MED10: variants seen among roughly 807,000 people sequenced by gnomAD.
MED10 encodes the protein mediator of RNA polymerase II transcription subunit 10.
Under a neutral mutation model 17.2 loss-of-function variants are expected in MED10, and 9 were observed. The observed-to-expected ratio is 0.52, with a 90% CI of 0.31 to 0.91. The LOEUF is 0.91. Among genes scored for constraint, MED10 ranks in the 40% least tolerant of loss-of-function variants. The pLI is 0.04. For synonymous variants in MED10, 66 were observed against 59.8 expected (o/e 1.10, Z -0.48); for missense variants, 129 against 164.8 (o/e 0.78, Z 1.19).
In MED10 at chr5:6,377,223, T is replaced by G; in HGVS notation, c.149A>C (p.Asp50Ala). ...AAGCTGCTGTCTGCACTTGTCAATA[T>G]CCTGTAAGCCAGTAACAATAAAATT... ...KLNFIVTGLQ[D>A]IDKCRQQLHD... Residue 50 changes from aspartate to alanine, a missense_variant, in exon 2 of 4, where the codon GAT (aspartate) becomes GCT (alanine). Coordinates refer to ENST00000255764, the MANE Select transcript of MED10 (RefSeq NM_032286.3). 6.2e-7 allele frequency: 1 copy of G among 1,610,414 alleles called. No homozygotes were observed. Among genetic ancestry groups the G allele is most frequent in the South Asian group, 1.1e-5 (1 of 89,938 alleles).
chr5:6,374,669 C>A (rs1737957118), intron 2 of MED10: 2 of 445,024 alleles, frequency 4.5e-6, no homozygotes, highest in Non-Finnish European at 8.3e-6. Context: ...CACTGATAAA[C>A]CCAAGCACGC....
intron 3 of MED10, among the ~76,000 whole-genome samples, chr5:6,373,770 A>G (rs115954304): frequency 0.016 from 2,503 of 152,318 alleles, 80 homozygotes; most frequent in African/African-American, 0.055. Context: ...ACAAAACACC[A>G]ATTTGAACTA....
intron 3 of MED10, among the ~76,000 whole-genome samples, chr5:6,373,966 A>C (rs2455147): frequency 0.51 from 77,078 of 151,958 alleles, 19,788 homozygotes; most frequent in African/African-American, 0.55. Flanking sequence ...ATCCTCTAAA[A>C]CAAAGAACCA....
Position 6,374,702 on chromosome 5 carries a change from A to T in MED10, c.207-276T>A, listed in dbSNP as rs1579253555. The T allele has an allele frequency of 8.8e-6, 3 of 341,094 alleles. No homozygotes were observed. In the East Asian group the frequency reaches 1.7e-4, roughly 19 times the overall value. 21.1% of individuals were successfully genotyped at this position (341,094 alleles called of 1,614,324 possible). On this transcript the variant is annotated intron_variant, in intron 2 of 3. Coordinates refer to ENST00000255764, the MANE Select transcript of MED10 (RefSeq NM_032286.3). Reference sequence around the variant, plus strand: ...CGCTTCACAAGCCATACCACTTTACATGTGTTTAGCATTTGCACTTTTCAA... The same window carrying T: ...CGCTTCACAAGCCATACCACTTTACTTGTGTTTAGCATTTGCACTTTTCAA...
At chr5:6,377,113 A>C in intron 2 of MED10, 53 bp downstream of exon 2, 1 of 1,290,216 alleles carries the variant, frequency 7.8e-7, no homozygotes, top group Non-Finnish European at 1.1e-6. Context: ...ACGATACCAC[A>C]CCATAACTGA....
Position 6,378,490 on chromosome 5 carries a change from G to C in MED10, c.-7C>G, listed in dbSNP as rs768284839. ...GGTCAAACTTCTCCGCCATCGCCTC[G>C]GCCCGTCCCCGACCCACACAGCCTC... On this transcript the variant is annotated 5_prime_UTR_variant, in exon 1 of 4. Transcript: ENST00000255764. 3 of 1,610,158 alleles carry C rather than the reference G, an allele frequency of 1.9e-6. No individual in the cohort carries two copies. The highest frequency in any genetic ancestry group is 2.2e-5 in the East Asian group (1 of 44,722).
chr5:6,377,234 A>G lies in MED10; in HGVS notation c.138T>C (p.Thr46=), dbSNP rs1331056648. The part of the protein sequence containing the change: ...GLNQKLNFIV[T]GLQDIDKCRQ... ...TGCACTTGTCAATATCCTGTAAGCC[A>G]GTAACAATAAAATTCCTGGGGGAAA... is the stretch of plus-strand genomic sequence containing the variant. Residue 46 remains threonine (T), a synonymous_variant, in exon 2 of 4, where the codon ACT becomes ACC. Coordinates refer to ENST00000255764, the MANE Select transcript of MED10 (RefSeq NM_032286.3). 7 of 1,609,374 alleles carry G rather than the reference A, an allele frequency of 4.3e-6. No homozygotes were observed. Among genetic ancestry groups the G allele is most frequent in the Non-Finnish European group, 5.1e-6 (6 of 1,178,140 alleles).
intron 3 of MED10, among the ~76,000 whole-genome samples, 173 bp downstream of exon 3, chr5:6,374,151 C>T (rs747420130): frequency 6.6e-5 from 10 of 152,170 alleles, no homozygotes; most frequent in Non-Finnish European, 1.0e-4. Context: ...TATGCTATTA[C>T]GCAGCTGATA....
chr5:6,373,034 G>A lies in MED10; in HGVS notation c.310-433C>T, dbSNP rs560361047. ...TGCACTGGCTCTGAAGGTGACGCTG[G>A]ACTCAACAACTCCTCAATCCCAAAT... On this transcript the variant is annotated intron_variant, in intron 3 of 3. Coordinates refer to ENST00000255764, the MANE Select transcript of MED10 (RefSeq NM_032286.3). 9.0e-4 allele frequency among the ~76,000 whole-genome samples: 137 copies of A among 152,328 alleles called. 1 individual carries two copies. The highest frequency in any genetic ancestry group is 1.4e-3 in the Non-Finnish European group (93 of 68,020).
Position 6,377,331 on chromosome 5 carries a change from C to G in MED10, c.123-82G>C, listed in dbSNP as rs373839104. The G allele has an allele frequency of 3.9e-4, 367 of 946,092 alleles. No individual in the cohort carries two copies. In the African/African-American group the frequency reaches 4.5e-3, roughly 12 times the overall value. 58.6% of individuals were successfully genotyped at this position (946,092 alleles called of 1,614,324 possible). ...CCACCCACAGAGCTACCCAGCCAAC[C>G]GGGGCTCCACGCAAGTTCGTTCTCC... is the stretch of plus-strand genomic sequence containing the variant. On this transcript the variant is annotated intron_variant, in intron 1 of 3. Coordinates refer to ENST00000255764, the MANE Select transcript of MED10 (RefSeq NM_032286.3).
Position 6,374,367 on chromosome 5 carries a change from A to G in MED10, c.266T>C (p.Leu89Pro), listed in dbSNP as rs762318477. The change falls in exon 3 of 4, where the codon CTA becomes CCA. Residue 89 changes from leucine to proline, a missense_variant. Physicochemically the swap from Leu to Pro is moderately conservative, Grantham distance 98 (BLOSUM62 -3). Coordinates refer to ENST00000255764, the MANE Select transcript of MED10 (RefSeq NM_032286.3). ...GCCTTTAACTTGCTCATTTTTAGCT[A>G]GAGCCCTCTCCAGGCACTCTTTGGT... ...LYTKECLERALAKNEQVKGKI... is the reference protein window; with the variant it reads ...LYTKECLERAPAKNEQVKGKI... 1 of 1,614,046 alleles carries G rather than the reference A, an allele frequency of 6.2e-7. No homozygotes were observed. Among genetic ancestry groups the G allele is most frequent in the Non-Finnish European group, 8.5e-7 (1 of 1,179,922 alleles).
Position 6,378,526 on chromosome 5 carries a change from G to A in MED10, c.-43C>T. ...GACCCACACAGCCTCAACCAGCAGC[G>A]CCGCAGGCGTGGCCCTACGCTCCCG... On this transcript the variant is annotated 5_prime_UTR_variant, in exon 1 of 4. Transcript: ENST00000255764. 5 of 1,584,832 alleles carry A rather than the reference G, an allele frequency of 3.2e-6. No homozygotes were observed. Among genetic ancestry groups the A allele is most frequent in the Middle Eastern group, 1.7e-4 (1 of 5,904 alleles).
intron 2 of MED10, chr5:6,376,698 C>G (rs1353462408): frequency 2.0e-5 from 3 of 152,348 alleles, no homozygotes; most frequent in Non-Finnish European, 4.4e-5. Flanking sequence ...ATTTTCACCT[C>G]TCAGAACTAG....
rs1320597863 is a variant in MED10 at position 6,372,509 on chromosome 5, A to G, written c.402T>C (p.Pro134=). 11 of 1,614,054 alleles carry G rather than the reference A, an allele frequency of 6.8e-6. No homozygotes were observed. Among genetic ancestry groups the G allele is most frequent in the Non-Finnish European group, 9.3e-6 (11 of 1,179,888 alleles). Residue 134 remains proline, a synonymous_variant, in exon 4 of 4, where the codon CCT becomes CCC. Coordinates refer to ENST00000255764, the MANE Select transcript of MED10 (RefSeq NM_032286.3). The part of the protein sequence containing the change: ...YRSIRGEDHP[P]S The stretch of plus-strand genomic sequence containing the variant: ...CACAGGGAGGGTGAGCTGGTTAAGA[A>G]GGCGGGTGATCCTCCCCCCGGATGC...
At chr5:6,373,619 C>T (rs7726893) in intron 3 of MED10, among the ~76,000 whole-genome samples, 17,244 of 151,790 alleles carry the variant, frequency 0.11, 1,522 homozygotes, top group East Asian at 0.42. Context: ...GAACCGAAAA[C>T]CAGGCCGGCG....
intron 3 of MED10, among the ~76,000 whole-genome samples, chr5:6,374,093 CA>C (rs1164576771): frequency 1.3e-5 from 2 of 152,216 alleles, no homozygotes; most frequent in East Asian, 1.9e-4. Flanking sequence ...ACTACTATCA[CA>C]AAAATTACTC....
chr5:6,372,058 C>G lies in MED10; in HGVS notation c.*445G>C, dbSNP rs1309596210. ...CCACTTAAGTACTTCCCACATTAAACTGATTTTTCTTTTTTTAAAAAAATT... is the reference window on the plus strand; with the variant it reads ...CCACTTAAGTACTTCCCACATTAAAGTGATTTTTCTTTTTTTAAAAAAATT... On this transcript the variant is annotated 3_prime_UTR_variant, in exon 4 of 4. Coordinates refer to ENST00000255764, the MANE Select transcript of MED10 (RefSeq NM_032286.3). 1 of 154,722 alleles carries G rather than the reference C, an allele frequency of 6.5e-6. No homozygotes were observed. The highest frequency in any genetic ancestry group is 1.4e-5 in the Non-Finnish European group (1 of 69,800). The allele number at this position is 154,722 out of a possible 1,614,324, so 9.6% of individuals were successfully genotyped here.
chr5:6,378,311 C>A (rs1738043417), intron 1 of MED10, 51 bp downstream of exon 1: 2 of 1,514,810 alleles, frequency 1.3e-6, no homozygotes, highest in East Asian at 2.5e-5. Context: ...CTAGCACACG[C>A]TTCCCGGCCA....
In MED10 at chr5:6,372,538, G is replaced by A. The variant is rs1047866320; in HGVS notation, c.373C>T (p.Arg125Ter). ...GGGTGATCCTCCCCCCGGATGCTTC[G>A]ATACTTAGCCATGTCTTCCGGAAAT... is the stretch of plus-strand genomic sequence containing the variant. ...KVFPEDMAKY[R>*]SIRGEDHPPS The change falls in exon 4 of 4, where the codon CGA becomes TGA. Residue 125 changes from arginine to a stop codon, truncating the protein, a stop_gained. Coordinates refer to ENST00000255764, the MANE Select transcript of MED10 (RefSeq NM_032286.3). LOFTEE classifies it high-confidence loss of function. 8.7e-6 allele frequency: 14 copies of A among 1,614,236 alleles called. No homozygotes were observed. Among genetic ancestry groups the A allele is most frequent in the East Asian group, 2.2e-5 (1 of 44,892 alleles).
Sources: gnomAD v4.1 joint callset for allele counts (sites outside exome capture counted in the v4.1 genomes callset) on GRCh38, gnomAD v4.1.1 for gene constraint, MANE v1.5 for transcripts, NCBI Gene and HGNC (gene_info 2026-07-23, HGNC 2026-07-21) for gene names.